BTBD8: variants seen among roughly 807,000 people sequenced by gnomAD.
BTBD8 encodes the protein BTB/POZ domain-containing protein 8.
A neutral mutation model predicts 162.9 loss-of-function variants in BTBD8; 110 were observed. The ratio of observed to expected loss-of-function variants is 0.68; its 90% CI spans 0.58 to 0.79. BTBD8 has a LOEUF of 0.79. Ranked by LOEUF, BTBD8 falls within the 30% of genes least tolerant of loss-of-function variation. The pLI, the probability that BTBD8 is intolerant of heterozygous loss-of-function variation, is 0.00. For synonymous variants in BTBD8, 667 were observed against 716.1 expected, an observed-to-expected ratio of 0.93 and a Z score of 1.10; for missense variants, 1,905 against 2,085.4, an observed-to-expected ratio of 0.91 and a Z score of 1.68.
At chr1:92,126,348 C>G (rs973781690) in intron 4 of BTBD8, 2 of 612,516 alleles carry the variant, frequency 3.3e-6, no homozygotes, top group Non-Finnish European at 3.1e-6. Flanking sequence ...AGTGGTTGTA[C>G]ATGGCCCCTT....
chr1:92,147,329 T>A, intron 8 of BTBD8, 61 bp downstream of exon 8: 1 of 1,436,358 alleles, frequency 7.0e-7, no homozygotes. Flanking sequence ...TCTGTTCTTC[T>A]AATTTTGTGG....
At chr1:92,125,582 A>C (rs1649333649) in intron 4 of BTBD8, 1 of 263,732 alleles carries the variant, frequency 3.8e-6, no homozygotes, top group African/African-American at 2.3e-5. Context: ...GTTAAAGATC[A>C]GAGGTGACAA....
intron 2 of BTBD8, among the ~76,000 whole-genome samples, chr1:92,097,491 A>G (rs1648482899): frequency 6.6e-6 from 1 of 152,160 alleles, no homozygotes; most frequent in South Asian, 2.1e-4. Context: ...TAATTCCAGA[A>G]TATCTTCATC....
At chr1:92,154,647 T>G (rs1176013304) in intron 9 of BTBD8, among the ~76,000 whole-genome samples, 1 of 152,200 alleles carries the variant, frequency 6.6e-6, no homozygotes, top group African/African-American at 2.4e-5. Flanking sequence ...TTTTTGCTAT[T>G]AAATTGTAGG....
chr1:92,161,381 T>C (rs58654116), intron 9 of BTBD8, among the ~76,000 whole-genome samples: 2,694 of 152,288 alleles, frequency 0.018, 75 homozygotes, highest in African/African-American at 0.062. Context: ...TGCTGCTACA[T>C]TAGAGTATAA....
chr1:92,113,462 G>A (rs1557444152), intron 4 of BTBD8, among the ~76,000 whole-genome samples: 1 of 152,246 alleles, frequency 6.6e-6, no homozygotes, highest in Non-Finnish European at 1.5e-5. Context: ...GAAGGAGAAA[G>A]AGAAGGAAGT....
chr1:92,172,668 T>G (rs1030639768), intron 13 of BTBD8, among the ~76,000 whole-genome samples: 13 of 152,238 alleles, frequency 8.5e-5, no homozygotes, highest in African/African-American at 2.9e-4. Flanking sequence ...AATGAACGTA[T>G]TGCCCTAGCA....
chr1:92,083,562 C>A (rs1648081052), intron 1 of BTBD8, among the ~76,000 whole-genome samples: 1 of 152,142 alleles, frequency 6.6e-6, no homozygotes, highest in African/African-American at 2.4e-5. Flanking sequence ...GATTGCATGG[C>A]AGGCAATCAA....
intron 2 of BTBD8, among the ~76,000 whole-genome samples, chr1:92,094,648 T>G (rs1272073369): frequency 2.6e-5 from 4 of 152,226 alleles, no homozygotes; most frequent in Non-Finnish European, 5.9e-5. Flanking sequence ...ACTTCAGATA[T>G]GCCTCAAATG....
chr1:92,096,696 C>T (rs987723072), intron 2 of BTBD8, among the ~76,000 whole-genome samples: 3 of 152,010 alleles, frequency 2.0e-5, no homozygotes, highest in African/African-American at 7.3e-5. Context: ...TGCCACCACA[C>T]CTGGCTAATT....
At chr1:92,178,176 T>C (rs1261662912) in intron 15 of BTBD8, 136 bp from the exon 16 acceptor site, 2 of 711,598 alleles carry the variant, frequency 2.8e-6, no homozygotes, top group South Asian at 2.1e-5. Flanking sequence ...AAAAGACTTA[T>C]GAGCATATGA....
chr1:92,155,601 A>G lies in BTBD8; in HGVS notation c.1122+7815A>G, dbSNP rs142515046. ...ATTACAGGCATAAGCCACTGTGCCCAGCTGTGCCTTCTTTAATTTCTTTCA... is the reference window on the plus strand; with the variant it reads ...ATTACAGGCATAAGCCACTGTGCCCGGCTGTGCCTTCTTTAATTTCTTTCA... On this transcript the variant is annotated intron_variant, in intron 9 of 17. Coordinates refer to ENST00000636805, the MANE Select transcript of BTBD8 (RefSeq NM_001376131.1). Among the ~76,000 whole-genome samples, 268 of 152,222 alleles carry G rather than the reference A, an allele frequency of 1.8e-3. 3 individuals are homozygous for G. Among genetic ancestry groups the G allele is most frequent in the African/African-American group, 5.9e-3 (245 of 41,566 alleles).
chr1:92,102,060 C>T (rs953461413), intron 2 of BTBD8, among the ~76,000 whole-genome samples: 3 of 151,918 alleles, frequency 2.0e-5, no homozygotes, highest in East Asian at 1.9e-4. Context: ...CTTGCTCTGT[C>T]GCTCAGGCTG....
intron 17 of BTBD8, among the ~76,000 whole-genome samples, chr1:92,183,516 CTA>C (rs931409649): frequency 2.0e-5 from 3 of 151,898 alleles, no homozygotes; most frequent in African/African-American, 4.8e-5. Flanking sequence ...CATCAAAACA[CTA>C]TGTCTTTTTT....
In BTBD8 at chr1:92,182,378, C is replaced by G. The variant is rs2100695146; in HGVS notation, c.4695C>G (p.Asp1565Glu). 1.9e-6 allele frequency: 3 copies of G among 1,549,698 alleles called. No homozygotes were observed. The highest frequency in any genetic ancestry group is 2.6e-6 in the Non-Finnish European group (3 of 1,146,416). Residue 1565 changes from aspartate (D) to glutamate (E), a missense_variant, in exon 17 of 18, where the codon GAC (aspartate) becomes GAG (glutamate). Asp to Glu is a conservative substitution (Grantham distance 45, BLOSUM62 2). Transcript: ENST00000636805. The stretch of plus-strand genomic sequence containing the variant: ...ACAATGGAAGCAATGTGGAAAATGA[C>G]ATTCAGCAACGCAGCAAATTCTTGG... ...KVNNGSNVENDIQQRSKFLDS... is the reference protein window; with the variant it reads ...KVNNGSNVENEIQQRSKFLDS...
At chr1:92,163,831 T>C (rs1650324243) in intron 9 of BTBD8, among the ~76,000 whole-genome samples, 1 of 152,206 alleles carries the variant, frequency 6.6e-6, no homozygotes, top group South Asian at 2.1e-4. Flanking sequence ...AGATCATGTA[T>C]CATCTATGTT....
rs972136076 is a variant in BTBD8, at chr1:92,102,756, T to C, written c.544+87T>C. ...TAGAGAAAAGCATACTTCAAAAATATGCTTTACTGATTTTTTTTTTAATAA... is the reference window on the plus strand; with the variant it reads ...TAGAGAAAAGCATACTTCAAAAATACGCTTTACTGATTTTTTTTTTAATAA... On this transcript the variant is annotated intron_variant, in intron 3 of 17. Transcript: ENST00000636805. 3.3e-6 allele frequency: 4 copies of C among 1,221,290 alleles called. No homozygotes were observed. In the African/African-American group the frequency reaches 4.7e-5, roughly 14 times the overall value. 75.7% of individuals were successfully genotyped at this position (1,221,290 alleles called of 1,614,324 possible).
intron 13 of BTBD8, among the ~76,000 whole-genome samples, chr1:92,172,986 C>T (rs1018271350): frequency 3.9e-5 from 6 of 152,172 alleles, no homozygotes; most frequent in Admixed American, 6.5e-5. Flanking sequence ...AGTGCAATGG[C>T]ATGATCTCGG....
intron 3 of BTBD8, among the ~76,000 whole-genome samples, chr1:92,107,122 G>A (rs1265253377): frequency 6.6e-6 from 1 of 151,948 alleles, no homozygotes; most frequent in Non-Finnish European, 1.5e-5. Flanking sequence ...CAATATTGTT[G>A]TTAGCCTGAT....
Sources: allele counts gnomAD v4.1 joint callset (sites outside exome capture counted in the v4.1 genomes callset), GRCh38; gene constraint gnomAD v4.1.1; transcripts MANE v1.5; gene names NCBI Gene and HGNC (gene_info 2026-07-23, HGNC 2026-07-21).